Variants in STK33 observed in about 807,000 individuals in gnomAD.
STK33 encodes serine/threonine-protein kinase 33.
STK33 carries 52 observed loss-of-function variants against 58.0 expected under a neutral mutation model. That is an observed-to-expected ratio of 0.90 (90% CI 0.72 to 1.13). STK33 has a LOEUF of 1.13. Ranked by LOEUF, STK33 falls within the 50% of genes most tolerant of loss-of-function variation. The pLI is 0.00. For synonymous variants in STK33, 215 were observed against 200.1 expected (o/e 1.07, Z -0.63); for missense variants, 630 against 604.2 (o/e 1.04, Z -0.45).
At chr11:8,532,195 C>T (rs1299610583) in intron 1 of STK33, among the ~76,000 whole-genome samples, 3 of 152,246 alleles carry the variant, frequency 2.0e-5, no homozygotes, top group African/African-American at 7.2e-5. Flanking sequence ...GTAACATGCA[C>T]ACATGTGATG....
At chr11:8,425,139 A>T (rs1464955811) in intron 14 of STK33, among the ~76,000 whole-genome samples, 1 of 151,570 alleles carries the variant, frequency 6.6e-6, no homozygotes, top group Non-Finnish European at 1.5e-5. Flanking sequence ...TAAGTCTTTA[A>T]TCCATCTTGA....
At chr11:8,516,461 C>G (rs1209830314) in intron 1 of STK33, among the ~76,000 whole-genome samples, 1 of 152,218 alleles carries the variant, frequency 6.6e-6, no homozygotes. Context: ...TTCTGCATTT[C>G]CAACTGAGGT....
chr11:8,491,619 A>G (rs1032772625), intron 1 of STK33, among the ~76,000 whole-genome samples: 1 of 152,224 alleles, frequency 6.6e-6, no homozygotes. Flanking sequence ...CCTTGAGAAG[A>G]GCAACCCCAA....
chr11:8,565,340 T>C (rs1026698282), intron 1 of STK33, among the ~76,000 whole-genome samples: 6 of 152,222 alleles, frequency 3.9e-5, no homozygotes, highest in South Asian at 2.1e-4. Context: ...TTTGTTGTAA[T>C]TGGGGTTTAC....
the STK33 span, among the ~76,000 whole-genome samples, chr11:8,345,783 G>T: frequency 7.9e-5 from 12 of 152,232 alleles, no homozygotes; most frequent in Non-Finnish European, 1.5e-4. Flanking sequence ...GGACAGGGGT[G>T]AGGGTGGAGG....
chr11:8,507,755 C>G (rs1951978428), intron 1 of STK33, among the ~76,000 whole-genome samples: 1 of 152,170 alleles, frequency 6.6e-6, no homozygotes, highest in South Asian at 2.1e-4. Flanking sequence ...TATAATAATT[C>G]CACAAGCATT....
chr11:8,515,528 G>A (rs972234395), intron 1 of STK33, among the ~76,000 whole-genome samples: 19 of 152,008 alleles, frequency 1.2e-4, no homozygotes, highest in Admixed American at 1.3e-4. Context: ...AAGATACCAC[G>A]AAAAAGGAAA....
the STK33 span, among the ~76,000 whole-genome samples, chr11:8,372,630 G>A: frequency 3.9e-5 from 6 of 152,252 alleles, no homozygotes; most frequent in African/African-American, 9.6e-5. Flanking sequence ...CCGCATAGGC[G>A]GGTTGAAGGG....
At chr11:8,544,147 C>T (rs535468430) in intron 1 of STK33, among the ~76,000 whole-genome samples, 9 of 151,912 alleles carry the variant, frequency 5.9e-5, no homozygotes, top group East Asian at 1.9e-4. Context: ...TCTCCTAATG[C>T]TATCCCTCCC....
Position 8,526,754 on chromosome 11 carries a change from A to AAC in STK33, c.-465-46142_-465-46141dup, listed in dbSNP as rs1009878466. On this transcript the variant is annotated intron_variant, in intron 1 of 15. Coordinates refer to ENST00000687296, the MANE Select transcript of STK33 (RefSeq NM_001352389.2). ...AGATGTGTAAGATATATACACTAAA[A>AAC]ACACACACACACACAAAAAGAAAAT... 1.6e-4 allele frequency among the ~76,000 whole-genome samples: 24 copies of AAC among 151,504 alleles called. No individual in the cohort carries two copies. In the South Asian group the frequency reaches 1.7e-3, roughly 11 times the overall value.
chr11:8,488,008 C>T (rs1481997152), intron 1 of STK33, among the ~76,000 whole-genome samples: 2 of 152,118 alleles, frequency 1.3e-5, no homozygotes, highest in African/African-American at 2.4e-5. Context: ...AAGTAATAAC[C>T]CACAATCCTG....
chr11:8,352,593 A>C, the STK33 span, among the ~76,000 whole-genome samples: 3 of 152,178 alleles, frequency 2.0e-5, no homozygotes, highest in Non-Finnish European at 4.4e-5. Flanking sequence ...CCAGTGTAAA[A>C]GAAAATCTAA....
intron 8 of STK33, among the ~76,000 whole-genome samples, chr11:8,458,847 A>T (rs981043048): frequency 2.6e-5 from 4 of 152,224 alleles, no homozygotes; most frequent in African/African-American, 9.6e-5. Context: ...TTTTGTTCTT[A>T]TAAGCACTGT....
chr11:8,414,734 TAAG>T (rs962282238), intron 14 of STK33, among the ~76,000 whole-genome samples: 1 of 152,292 alleles, frequency 6.6e-6, no homozygotes, highest in African/African-American at 2.4e-5. Context: ...CCCCTTGTTT[TAAG>T]AAGCTCAGTA....
rs117178738 is a variant in STK33 at position 8,513,338 on chromosome 11, G to A, written c.-465-32724C>T. 4.1e-3 allele frequency among the ~76,000 whole-genome samples: 628 copies of A among 152,160 alleles called. 1 individual carries two copies. Among genetic ancestry groups the A allele is most frequent in the Non-Finnish European group, 7.6e-3 (515 of 68,012 alleles). ...AATCCCTTATGCTTGTGTGTAGCCC[G>A]TTCCTACCACCTTGCTTTCAAATGC... On this transcript the variant is annotated intron_variant, in intron 1 of 15. Transcript: ENST00000687296.
chr11:8,373,230 CAT>C, the STK33 span, among the ~76,000 whole-genome samples: 19 of 151,734 alleles, frequency 1.3e-4, 1 homozygote, highest in African/African-American at 2.4e-5. Context: ...TCAGAACCCA[CAT>C]GTTTCTGGGC....
chr11:8,386,899 G>A (rs552603209), downstream of STK33, among the ~76,000 whole-genome samples: 41 of 152,270 alleles, frequency 2.7e-4, 1 homozygote, highest in South Asian at 8.3e-3. Flanking sequence ...CCTGAGATGG[G>A]AATCACACTT....
chr11:8,413,803 G>A (rs533801755), intron 14 of STK33, 111 bp from the exon 15 acceptor site: 121 of 955,144 alleles, frequency 1.3e-4, no homozygotes, highest in South Asian at 1.2e-3. Flanking sequence ...ACATGGAAAA[G>A]ATTATAATGC....
At chr11:8,414,914 C>A (rs1054265747) in intron 14 of STK33, among the ~76,000 whole-genome samples, 1 of 152,086 alleles carries the variant, frequency 6.6e-6, no homozygotes, top group African/African-American at 2.4e-5. Flanking sequence ...TGTCAGATAT[C>A]CCAGAATTCC....
Sources: gnomAD v4.1 joint callset for allele counts (sites outside exome capture counted in the v4.1 genomes callset) on GRCh38, gnomAD v4.1.1 for gene constraint, MANE v1.5 for transcripts, NCBI Gene and HGNC (gene_info 2026-07-23, HGNC 2026-07-21) for gene names.